The following MAN1A1 variants were observed in gnomAD, a reference collection of about 807,000 sequenced individuals.
The protein encoded by MAN1A1 is mannosyl-oligosaccharide 1,2-alpha-mannosidase IA.
A neutral mutation model predicts 70.8 loss-of-function variants in MAN1A1; 29 were observed. The ratio of observed to expected loss-of-function variants is 0.41; its 90% CI spans 0.31 to 0.56. The LOEUF is 0.56. Ranked by LOEUF, MAN1A1 falls within the 20% of genes least tolerant of loss-of-function variation. The pLI is 0.29. For synonymous variants in MAN1A1, 349 were observed against 330.1 expected, an observed-to-expected ratio of 1.06 and a Z score of -0.62; for missense variants, 747 against 841.3, an observed-to-expected ratio of 0.89 and a Z score of 1.39.
chr6:119,289,674 G>C (rs558636748), intron 5 of MAN1A1, among the ~76,000 whole-genome samples: 40 of 152,014 alleles, frequency 2.6e-4, no homozygotes, highest in South Asian at 1.2e-3. Flanking sequence ...ACTTTGAAAA[G>C]ATCTAAGGTA....
In MAN1A1 at chr6:119,179,441, T is replaced by C. The variant is rs1773089095; in HGVS notation, c.*378A>G. 6.4e-6 allele frequency: 1 copy of C among 156,956 alleles called. No individual in the cohort carries two copies. Among genetic ancestry groups the C allele is most frequent in the South Asian group, 1.9e-4 (1 of 5,254 alleles). 9.7% of individuals were successfully genotyped at this position (156,956 alleles called of 1,614,324 possible). ...TTGCAACATGGCAAAACATTACAGC[T>C]TAAAGCAGACATCATCTCCTCTTAG... On this transcript the variant is annotated 3_prime_UTR_variant, in exon 13 of 13. Coordinates refer to ENST00000368468, the MANE Select transcript of MAN1A1 (RefSeq NM_005907.4).
intron 2 of MAN1A1, among the ~76,000 whole-genome samples, chr6:119,309,419 T>A (rs939114585): frequency 1.1e-4 from 17 of 152,316 alleles, no homozygotes; most frequent in African/African-American, 3.4e-4. Context: ...TGAGTGGCGA[T>A]GAGGATAAAG....
intron 2 of MAN1A1, among the ~76,000 whole-genome samples, chr6:119,334,049 G>C (rs1185833809): frequency 6.6e-6 from 1 of 152,098 alleles, no homozygotes; most frequent in Non-Finnish European, 1.5e-5. Flanking sequence ...TCCTATTTCA[G>C]CTCATCCTAC....
chr6:119,310,077 A>G (rs1224999674), intron 2 of MAN1A1, among the ~76,000 whole-genome samples: 3 of 152,234 alleles, frequency 2.0e-5, no homozygotes, highest in South Asian at 2.1e-4. Flanking sequence ...TGAATATAGA[A>G]GAGTAAGAAA....
chr6:119,212,565 G>A (rs1003260598), intron 6 of MAN1A1, among the ~76,000 whole-genome samples: 7 of 152,138 alleles, frequency 4.6e-5, no homozygotes, highest in Non-Finnish European at 1.0e-4. Flanking sequence ...TATTTTTGAT[G>A]ACCAAGATAT....
intron 6 of MAN1A1, among the ~76,000 whole-genome samples, chr6:119,233,158 A>G (rs143755226): frequency 0.028 from 4,264 of 152,276 alleles, 94 homozygotes; most frequent in Non-Finnish European, 0.045. Flanking sequence ...TCACTCTTTT[A>G]GTACAGATTG....
At chr6:119,244,750 T>G (rs1410680263) in intron 6 of MAN1A1, among the ~76,000 whole-genome samples, 1 of 152,130 alleles carries the variant, frequency 6.6e-6, no homozygotes, top group African/African-American at 2.4e-5. Context: ...TTATCTCTCC[T>G]TGGTCCATCT....
At chr6:119,257,672 A>G (rs1775496908) in intron 5 of MAN1A1, among the ~76,000 whole-genome samples, 1 of 152,180 alleles carries the variant, frequency 6.6e-6, no homozygotes, top group South Asian at 2.1e-4. Flanking sequence ...TAAAAGTTAC[A>G]TGTCCTTCTA....
upstream of MAN1A1, chr6:119,349,787 T>G (rs1030505891): frequency 2.9e-5 from 28 of 981,800 alleles, no homozygotes; most frequent in Non-Finnish European, 3.3e-5. Context: ...CTTGGGGCGG[T>G]GGAAAGCGAG....
At chr6:119,331,210 A>G (rs942382637) in intron 2 of MAN1A1, among the ~76,000 whole-genome samples, 3 of 152,218 alleles carry the variant, frequency 2.0e-5, no homozygotes, top group African/African-American at 7.2e-5. Flanking sequence ...TCACTTCTAT[A>G]TACAACTTGA....
chr6:119,239,031 C>T (rs1774930832), intron 6 of MAN1A1, among the ~76,000 whole-genome samples: 1 of 152,122 alleles, frequency 6.6e-6, no homozygotes, highest in Admixed American at 6.5e-5. Context: ...GCTGGGACTA[C>T]AGGTACCTGC....
chr6:119,326,838 A>G (rs754522974), intron 2 of MAN1A1, among the ~76,000 whole-genome samples: 1 of 152,174 alleles, frequency 6.6e-6, no homozygotes, highest in Non-Finnish European at 1.5e-5. Context: ...GGGGATTACA[A>G]TTCAAATGAG....
At chr6:119,305,061 G>C (rs1008878784) in intron 3 of MAN1A1, among the ~76,000 whole-genome samples, 2 of 152,136 alleles carry the variant, frequency 1.3e-5, no homozygotes, top group African/African-American at 4.8e-5. Context: ...GATGGAATGA[G>C]ATTAAATACC....
At chr6:119,194,865 GCT>G (rs1387687704) in intron 8 of MAN1A1, among the ~76,000 whole-genome samples, 28 of 148,278 alleles carry the variant, frequency 1.9e-4, no homozygotes, top group African/African-American at 6.8e-4. Flanking sequence ...ACGGAGTCTT[GCT>G]CTGTCACCAG....
At chr6:119,219,233 T>C (rs1252951941) in intron 6 of MAN1A1, among the ~76,000 whole-genome samples, 1 of 150,778 alleles carries the variant, frequency 6.6e-6, no homozygotes, top group African/African-American at 2.4e-5. Context: ...TATTTCTCCA[T>C]AAAGAGAAGG....
chr6:119,190,556 C>A (rs1773416015), intron 9 of MAN1A1, among the ~76,000 whole-genome samples: 1 of 152,186 alleles, frequency 6.6e-6, no homozygotes, highest in Admixed American at 6.5e-5. Flanking sequence ...ATGCAAGTGG[C>A]ACTTGATAAG....
At chr6:119,229,491 T>C (rs983724119) in intron 6 of MAN1A1, among the ~76,000 whole-genome samples, 11 of 152,216 alleles carry the variant, frequency 7.2e-5, no homozygotes, top group Admixed American at 6.5e-4. Context: ...TTCTGGGTAA[T>C]GCAATTTGGG....
chr6:119,348,790 C>T lies in MAN1A1; in HGVS notation c.276G>A (p.Ala92=), dbSNP rs1773815412. The T allele has an allele frequency of 4.3e-6, 6 of 1,404,458 alleles. No individual in the cohort carries two copies. The highest frequency in any genetic ancestry group is 5.6e-6 in the Non-Finnish European group (6 of 1,078,732). The allele number at this position is 1,404,458 out of a possible 1,614,324, so 87.0% of individuals were successfully genotyped here. The stretch of plus-strand genomic sequence containing the variant: ...GCCCCTCGGCCGCGTCCTCGGCGCG[C>T]GCCCCGGGCCCGGGCTTGTGGTCGG... ...PAADHKPGPG[A]RAEDAAEGRA... Residue 92 remains alanine (A), a synonymous_variant, in exon 2 of 13, where the codon GCG becomes GCA. Coordinates refer to ENST00000368468, the MANE Select transcript of MAN1A1 (RefSeq NM_005907.4).
At chr6:119,236,326 T>C (rs1774843276) in intron 6 of MAN1A1, among the ~76,000 whole-genome samples, 1 of 152,154 alleles carries the variant, frequency 6.6e-6, no homozygotes, top group Non-Finnish European at 1.5e-5. Context: ...ATGCACCTGG[T>C]CACCCAAAAG....
Sources: gnomAD v4.1 joint callset for allele counts (sites outside exome capture counted in the v4.1 genomes callset) on GRCh38, gnomAD v4.1.1 for gene constraint, MANE v1.5 for transcripts, NCBI Gene and HGNC (gene_info 2026-07-23, HGNC 2026-07-21) for gene names.